The following DOCK10 variants were observed in gnomAD, a reference collection of about 807,000 sequenced individuals.
The protein encoded by DOCK10 is dedicator of cytokinesis protein 10.
In DOCK10, 145 loss-of-function variants were observed where a neutral mutation model predicts 280.1. The ratio of observed to expected loss-of-function variants is 0.52; its 90% CI spans 0.45 to 0.59. The LOEUF is 0.59. Ranked by LOEUF, DOCK10 falls within the 20% of genes least tolerant of loss-of-function variation. The pLI, the probability that DOCK10 is intolerant of heterozygous loss-of-function variation, is 0.00. For missense variants in DOCK10, 2,368 were observed against 2,651.7 expected (o/e 0.89, Z 2.35); for synonymous variants, 915 against 942.2 (o/e 0.97, Z 0.53).
intron 3 of DOCK10, among the ~76,000 whole-genome samples, chr2:224,908,768 A>G (rs1700830625): frequency 6.6e-6 from 1 of 152,086 alleles, no homozygotes; most frequent in South Asian, 2.1e-4. Context: ...AAGTGCTGGG[A>G]TTACTGGTAT....
chr2:224,950,974 G>A (rs781483278), intron 1 of DOCK10, among the ~76,000 whole-genome samples: 10 of 152,322 alleles, frequency 6.6e-5, no homozygotes, highest in Non-Finnish European at 1.2e-4. Context: ...GGAAGGTGCT[G>A]CATGGCATCT....
At chr2:224,890,714 T>C (rs1699606685) in intron 4 of DOCK10, among the ~76,000 whole-genome samples, 2 of 152,160 alleles carry the variant, frequency 1.3e-5, no homozygotes, top group African/African-American at 2.4e-5. Context: ...GATTCCATGG[T>C]TATGAAAATC....
intron 3 of DOCK10, among the ~76,000 whole-genome samples, chr2:224,897,075 T>C (rs1371881653): frequency 1.3e-5 from 2 of 152,208 alleles, no homozygotes; most frequent in African/African-American, 4.8e-5. Context: ...AAAGATGTTA[T>C]TATTTATATA....
chr2:224,957,948 G>A (rs886861157), intron 1 of DOCK10, among the ~76,000 whole-genome samples: 1 of 152,178 alleles, frequency 6.6e-6, no homozygotes, highest in Non-Finnish European at 1.5e-5. Context: ...GAGGATACAC[G>A]TTTCAAGCAT....
chr2:224,855,576 A>C (rs1000084773), intron 15 of DOCK10, among the ~76,000 whole-genome samples: 3 of 152,012 alleles, frequency 2.0e-5, no homozygotes, highest in Admixed American at 2.0e-4. Flanking sequence ...GTGTATGCGG[A>C]CACCCCTTCC....
intron 1 of DOCK10, among the ~76,000 whole-genome samples, chr2:224,961,779 A>G (rs1486291433): frequency 1.3e-5 from 2 of 152,196 alleles, no homozygotes; most frequent in African/African-American, 4.8e-5. Flanking sequence ...TGCTGGGATT[A>G]CAAGTGTGAG....
chr2:224,797,153 A>C lies in DOCK10; in HGVS notation c.4645-7T>G. ...GAAAGAACGCTGAAGGAAACTGCAG[A>C]AATGGAAGAACGGGTGAAGGGAGCA... is the stretch of plus-strand genomic sequence containing the variant. On this transcript the variant is annotated splice_region_variant and splice_polypyrimidine_tract_variant and intron_variant, in intron 42 of 55. Transcript: ENST00000258390. 1 of 1,594,434 alleles carries C rather than the reference A, an allele frequency of 6.3e-7. No homozygotes were observed.
At chr2:224,875,976 A>C in intron 8 of DOCK10, 62 bp downstream of exon 8, 3 of 1,532,580 alleles carry the variant, frequency 2.0e-6, no homozygotes, top group Non-Finnish European at 2.6e-6. Context: ...TAGCAGCTTT[A>C]GTGAACCAAA....
intron 50 of DOCK10, among the ~76,000 whole-genome samples, chr2:224,778,699 C>A (rs931431727): frequency 6.6e-6 from 1 of 152,116 alleles, no homozygotes; most frequent in Non-Finnish European, 1.5e-5. Flanking sequence ...TCCTGTAAGT[C>A]TTTGAAACTA....
intron 1 of DOCK10, among the ~76,000 whole-genome samples, chr2:224,958,264 G>T (rs1411750392): frequency 6.6e-6 from 1 of 152,208 alleles, no homozygotes; most frequent in Admixed American, 6.5e-5. Flanking sequence ...CTGCTACAGT[G>T]TATGGTTTAT....
At position 224,957,289 on chromosome 2, in the gene DOCK10, C is replaced by CCCG. The variant is rs10687430; in HGVS notation, c.124-25622_124-25621insCGG. Among the ~76,000 whole-genome samples, 248 of 146,354 alleles carry CCCG rather than the reference C, an allele frequency of 1.7e-3. 11 individuals carry two copies. Among genetic ancestry groups the CCCG allele is most frequent in the African/African-American group, 6.1e-3 (236 of 38,526 alleles). On this transcript the variant is annotated intron_variant, in intron 1 of 55. Transcript: ENST00000258390. Reference sequence around the variant, plus strand: ...AGTATTTAGTTTTTACTTTCCGCCCCCCCCCGGCTTTGTTTTTCGGAGATG... The same window carrying CCCG: ...AGTATTTAGTTTTTACTTTCCGCCCCCCGCCCCCGGCTTTGTTTTTCGGAGATG...
At chr2:224,800,043 G>A (rs1692869087) in intron 41 of DOCK10, 108 bp downstream of exon 41, 7 of 612,774 alleles carry the variant, frequency 1.1e-5, no homozygotes, top group Non-Finnish European at 1.7e-5. Flanking sequence ...TTTATATAAG[G>A]TTAATTGATT....
chr2:224,985,313 A>T (rs1383384553), intron 1 of DOCK10, among the ~76,000 whole-genome samples: 2 of 152,044 alleles, frequency 1.3e-5, no homozygotes, highest in African/African-American at 2.4e-5. Context: ...GTAAGGCTAA[A>T]TTTTCCAAAG....
chr2:224,914,093 A>G (rs897653998), intron 3 of DOCK10, among the ~76,000 whole-genome samples: 1 of 152,114 alleles, frequency 6.6e-6, no homozygotes, highest in African/African-American at 2.4e-5. Context: ...TTATTTTTGT[A>G]TGTAATATGA....
intron 1 of DOCK10, among the ~76,000 whole-genome samples, chr2:225,000,423 C>A (rs188777175): frequency 5.8e-4 from 88 of 152,256 alleles, no homozygotes; most frequent in Non-Finnish European, 1.1e-3. Context: ...TTTCCACATG[C>A]GGAAGAGTGA....
At chr2:225,037,273 GC>G (rs1395861702) in intron 1 of DOCK10, among the ~76,000 whole-genome samples, 3 of 152,142 alleles carry the variant, frequency 2.0e-5, no homozygotes, top group African/African-American at 4.8e-5. Flanking sequence ...AATTCCAGTT[GC>G]CTTGGGAAGA....
chr2:224,929,978 A>G (rs768826759), intron 2 of DOCK10, among the ~76,000 whole-genome samples: 4 of 152,148 alleles, frequency 2.6e-5, no homozygotes, highest in Non-Finnish European at 5.9e-5. Flanking sequence ...AGATGGGTGG[A>G]TCACTTGAGG....
chr2:225,010,745 C>A (rs574649637), intron 1 of DOCK10, among the ~76,000 whole-genome samples: 1 of 152,024 alleles, frequency 6.6e-6, no homozygotes, highest in Non-Finnish European at 1.5e-5. Flanking sequence ...TACAGAAAAG[C>A]AAATCAAAAT....
At position 224,916,696 on chromosome 2, in the gene DOCK10, T is replaced by G; in HGVS notation, c.332A>C (p.Glu111Ala). The G allele has an allele frequency of 6.2e-7, 1 of 1,604,912 alleles. No homozygotes were observed. The highest frequency in any genetic ancestry group is 1.7e-4 in the Middle Eastern group (1 of 6,056). ...EHKAENLLVK[E>A]ACKFYSSQWH... ...AAGCATTGGAAGCATCACATTTACC[T>G]CCTTAACCAGTAAATTTTCTGCCTT... Residue 111 changes from glutamate (E) to alanine (A), a missense_variant and splice_region_variant, in exon 3 of 56, where the codon GAG (glutamate) becomes GCG (alanine). Physicochemically the swap from Glu to Ala is moderately radical, Grantham distance 107. Around this residue, in one of 2 missense-constraint regions of DOCK10, gnomAD observed 1,209 missense variants for 1,250.9 expected, o/e 0.97. Transcript: ENST00000258390.
Sources: allele counts gnomAD v4.1 joint callset (sites outside exome capture counted in the v4.1 genomes callset), GRCh38; gene constraint gnomAD v4.1.1; regional missense constraint gnomAD v4.1.1; transcripts MANE v1.5; gene names NCBI Gene and HGNC (gene_info 2026-07-23, HGNC 2026-07-21).